ANKFN1: variants seen among roughly 807,000 people sequenced by gnomAD.
ANKFN1 encodes the protein ankyrin repeat and fibronectin type III domain containing 1, also known as ankyrin repeat and fibronectin type-III domain-containing protein 1.
ANKFN1 carries 74 observed loss-of-function variants against 108.7 expected under a neutral mutation model. That is an observed-to-expected ratio of 0.68 (90% confidence interval 0.56 to 0.83). ANKFN1 has a LOEUF of 0.83. ANKFN1 is among the 40% of genes least tolerant of loss of function. The pLI is 0.00. For synonymous variants in ANKFN1, 547 were observed against 516.2 expected (o/e 1.06, Z -0.81); for missense variants, 1,505 against 1,382.3 (o/e 1.09, Z -1.41).
Position 56,511,409 on chromosome 17 carries a change from G to C in ANKFN1, c.*140G>C, listed in dbSNP as rs1370057976. On this transcript the variant is annotated 3_prime_UTR_variant, in exon 21 of 21. Coordinates refer to ENST00000682825, the MANE Select transcript of ANKFN1 (RefSeq NM_001370326.1). ...TAAATACAAAGGTTACAAGTTCAAG[G>C]TCCTCTTTTTTTGGAACAGAGTGGT... is the stretch of plus-strand genomic sequence containing the variant. 10 of 1,022,574 alleles carry C rather than the reference G, an allele frequency of 9.8e-6. No homozygotes were observed. Among genetic ancestry groups the C allele is most frequent in the Non-Finnish European group, 1.4e-5 (10 of 727,232 alleles). 63.3% of individuals were successfully genotyped at this position (1,022,574 alleles called of 1,614,324 possible). A position where few individuals can be genotyped will look rare whatever the true frequency, so the allele number is the denominator to read the frequency against.
At position 56,170,807 on chromosome 17, in the gene ANKFN1, T is replaced by TATATATATATACAC. The variant is rs1361307404; in HGVS notation, c.-71+17278_-71+17279insTATATATATACACA. 6.0e-3 allele frequency among the ~76,000 whole-genome samples: 368 copies of TATATATATATACAC among 61,340 alleles called. 1 individual carries two copies. Among genetic ancestry groups the TATATATATATACAC allele is most frequent in the African/African-American group, 0.014 (194 of 14,298 alleles). 40.2% of individuals were successfully genotyped at this position (61,340 alleles called of 152,430 possible). ...ATATATATATATATATATATATATATACACACACACACACACACACACACA... is the reference window on the plus strand; with the variant it reads ...ATATATATATATATATATATATATATATATATATATACACACACACACACACACACACACACACA... On this transcript the variant is annotated intron_variant, in intron 1 of 20. Coordinates refer to ENST00000682825, the MANE Select transcript of ANKFN1 (RefSeq NM_001370326.1).
At chr17:56,151,844 T>C (rs1394041947), upstream of ANKFN1, among the ~76,000 whole-genome samples, 1 of 152,216 alleles carries the variant, frequency 6.6e-6, no homozygotes, top group Non-Finnish European at 1.5e-5. Context: ...GCAGATACTA[T>C]ACCTTCACCT....
At chr17:56,087,615 C>A (rs530753633) in intron 4 of ANKFN1, among the ~76,000 whole-genome samples, 1 of 151,364 alleles carries the variant, frequency 6.6e-6, no homozygotes, top group East Asian at 1.9e-4. Context: ...TTGTTCATTG[C>A]AATTTTTGTT....
At chr17:56,143,579 A>G (rs1415381708) in intron 4 of ANKFN1, among the ~76,000 whole-genome samples, 1 of 152,196 alleles carries the variant, frequency 6.6e-6, no homozygotes, top group East Asian at 1.9e-4. Context: ...CTCTCAAAAG[A>G]TATATCCAAA....
chr17:56,310,394 G>T (rs1268672218), intron 3 of ANKFN1, among the ~76,000 whole-genome samples: 1 of 152,130 alleles, frequency 6.6e-6, no homozygotes, highest in Non-Finnish European at 1.5e-5. Flanking sequence ...GAGGCGGGCG[G>T]ATCACGAGGT....
intron 2 of ANKFN1, among the ~76,000 whole-genome samples, chr17:56,218,136 A>G (rs372038262): frequency 9.2e-5 from 14 of 151,646 alleles, no homozygotes; most frequent in Admixed American, 3.3e-4. Flanking sequence ...TCCCCTATCC[A>G]CATCCAATAG....
At chr17:56,163,518 T>A (rs900970218) in intron 1 of ANKFN1, among the ~76,000 whole-genome samples, 7 of 152,242 alleles carry the variant, frequency 4.6e-5, no homozygotes, top group Non-Finnish European at 7.3e-5. Context: ...CACACATACC[T>A]GTGGGCTTCT....
At chr17:56,475,774 C>G (rs1173726194) in intron 15 of ANKFN1, among the ~76,000 whole-genome samples, 2 of 152,192 alleles carry the variant, frequency 1.3e-5, no homozygotes, top group Non-Finnish European at 1.5e-5. Flanking sequence ...GAACTTTACT[C>G]TCTTAGTTGT....
intron 14 of ANKFN1, among the ~76,000 whole-genome samples, chr17:56,459,429 C>T (rs2049829235): frequency 6.6e-6 from 1 of 152,142 alleles, no homozygotes; most frequent in South Asian, 2.1e-4. Context: ...CTCTTGATTG[C>T]ATAATCTTCT....
At chr17:56,254,777 G>C (rs1300943058) in intron 3 of ANKFN1, among the ~76,000 whole-genome samples, 1 of 152,160 alleles carries the variant, frequency 6.6e-6, no homozygotes, top group East Asian at 1.9e-4. Context: ...CCATGAACAT[G>C]GGCCCCAGAT....
chr17:56,241,995 A>C (rs11868762), intron 3 of ANKFN1, among the ~76,000 whole-genome samples: 14,268 of 152,014 alleles, frequency 0.094, 872 homozygotes, highest in East Asian at 0.22. Flanking sequence ...CCGTACTCAG[A>C]ATGGTGTACC....
chr17:56,293,268 T>C (rs1442634741), intron 3 of ANKFN1, among the ~76,000 whole-genome samples: 62 of 152,220 alleles, frequency 4.1e-4, no homozygotes, highest in Non-Finnish European at 7.3e-5. Flanking sequence ...CCAGGCACCA[T>C]GTTAGGCACA....
At chr17:56,321,196 C>T (rs1440238659) in intron 3 of ANKFN1, among the ~76,000 whole-genome samples, 1 of 151,948 alleles carries the variant, frequency 6.6e-6, no homozygotes, top group Non-Finnish European at 1.5e-5. Context: ...CTAACAACTT[C>T]GCACATAATA....
intron 1 of ANKFN1, chr17:56,174,067 G>T: frequency 1.8e-6 from 1 of 564,722 alleles, no homozygotes; most frequent in Non-Finnish European, 2.2e-6. Context: ...TACTTGCTGT[G>T]CTATCAGGTG....
chr17:56,334,161 A>G (rs1370960399), intron 4 of ANKFN1, among the ~76,000 whole-genome samples: 1 of 152,190 alleles, frequency 6.6e-6, no homozygotes, highest in East Asian at 1.9e-4. Context: ...CACGAAGAGT[A>G]TAGATGGATC....
At chr17:56,343,531 G>A (rs747674693) in intron 4 of ANKFN1, among the ~76,000 whole-genome samples, 4 of 151,678 alleles carry the variant, frequency 2.6e-5, no homozygotes, top group Admixed American at 6.6e-5. Flanking sequence ...TTCTCTCTAT[G>A]TCTTTGGCTT....
chr17:56,092,285 T>TTTTC (rs60379435), intron 4 of ANKFN1, among the ~76,000 whole-genome samples: 9,349 of 143,148 alleles, frequency 0.065, 1,113 homozygotes, highest in African/African-American at 0.24. Context: ...TTTTTTTTTT[T>TTTTC]TTGAGATGGA....
intron 8 of ANKFN1, among the ~76,000 whole-genome samples, chr17:56,408,719 T>C (rs2144978546): frequency 6.6e-6 from 1 of 152,326 alleles, no homozygotes; most frequent in East Asian, 1.9e-4. Flanking sequence ...TAGTCTGTGA[T>C]GTGAGCATCC....
At chr17:56,050,150 G>A (rs1904750236) in intron 4 of ANKFN1, among the ~76,000 whole-genome samples, 1 of 151,460 alleles carries the variant, frequency 6.6e-6, no homozygotes, top group Non-Finnish European at 1.5e-5. Context: ...CAGTGATGAT[G>A]AGCATTTTTT....
Sources: gnomAD v4.1 joint callset for allele counts (sites outside exome capture counted in the v4.1 genomes callset) on GRCh38, gnomAD v4.1.1 for gene constraint, MANE v1.5 for transcripts, NCBI Gene and HGNC (gene_info 2026-07-23, HGNC 2026-07-21) for gene names.